DDX1: variants seen among roughly 807,000 people sequenced by gnomAD.
DDX1 encodes DEAD-box helicase 1.
Under a neutral mutation model 108.7 loss-of-function variants are expected in DDX1, and 28 were observed. The observed-to-expected ratio is 0.26, with a 90% CI of 0.19 to 0.35. The LOEUF (loss-of-function observed/expected upper bound fraction) is 0.35. Among genes scored for constraint, DDX1 ranks in the 10% least tolerant of loss-of-function variants. The pLI, the probability that DDX1 is intolerant of heterozygous loss-of-function variation, is 1.00. For synonymous variants in DDX1, 295 were observed against 288.9 expected (o/e 1.02, Z -0.21); for missense variants, 710 against 884.5 (o/e 0.80, Z 2.50).
chr2:15,621,384 G>C, intron 18 of DDX1: 1 of 334,946 alleles, frequency 3.0e-6, no homozygotes, highest in South Asian at 4.0e-5. Flanking sequence ...TCAGCTCAAG[G>C]CAACCTCGGC....
chr2:15,620,634 A>G (rs960949982), intron 17 of DDX1, among the ~76,000 whole-genome samples: 1 of 152,176 alleles, frequency 6.6e-6, no homozygotes, highest in African/African-American at 2.4e-5. Context: ...TTTATAAGTA[A>G]ATAACATATA....
chr2:15,602,670 G>T (rs1356818830), intron 7 of DDX1, 39 bp downstream of exon 7: 1 of 1,437,678 alleles, frequency 7.0e-7, no homozygotes, highest in Non-Finnish European at 9.8e-7. Context: ...AACTTTTGAG[G>T]CAAGGTATTA....
At chr2:15,600,317 G>A (rs1018533175) in intron 6 of DDX1, among the ~76,000 whole-genome samples, 5 of 152,196 alleles carry the variant, frequency 3.3e-5, no homozygotes, top group Admixed American at 1.3e-4. Flanking sequence ...AGTGAGCAGC[G>A]AGACCTGCAT....
chr2:15,593,290 C>G (rs1182976508), intron 1 of DDX1, among the ~76,000 whole-genome samples: 1 of 152,084 alleles, frequency 6.6e-6, no homozygotes, highest in Non-Finnish European at 1.5e-5. Flanking sequence ...CCAACATTCT[C>G]CTAAAACGAT....
At chr2:15,603,344 A>G (rs1407674732) in intron 8 of DDX1, 69 bp downstream of exon 8, 2 of 1,065,076 alleles carry the variant, frequency 1.9e-6, no homozygotes, top group African/African-American at 1.6e-5. Context: ...TATTTGGGGA[A>G]GCAAAATAAT....
intron 17 of DDX1, among the ~76,000 whole-genome samples, chr2:15,620,810 T>C (rs1158339923): frequency 6.6e-6 from 1 of 152,146 alleles, no homozygotes; most frequent in Non-Finnish European, 1.5e-5. Context: ...AGGTTATATT[T>C]ATTATAAATA....
At chr2:15,624,775 C>T (rs1012856037) in intron 19 of DDX1, among the ~76,000 whole-genome samples, 1 of 152,070 alleles carries the variant, frequency 6.6e-6, no homozygotes, top group Non-Finnish European at 1.5e-5. Flanking sequence ...AGTATAATAC[C>T]GTTGTACATG....
intron 10 of DDX1, 68 bp downstream of exon 10, chr2:15,604,577 C>A: frequency 9.6e-7 from 1 of 1,036,998 alleles, no homozygotes; most frequent in South Asian, 1.3e-5. Flanking sequence ...TTTTAAAAAT[C>A]CCCCCACCCT....
At chr2:15,612,808 C>T (rs1217231430) in intron 13 of DDX1, among the ~76,000 whole-genome samples, 2 of 152,312 alleles carry the variant, frequency 1.3e-5, no homozygotes, top group East Asian at 1.9e-4. Context: ...AGCTGGAGAC[C>T]AGCCCGGCCA....
intron 7 of DDX1, 62 bp downstream of exon 7, chr2:15,602,693 T>G: frequency 5.3e-5 from 66 of 1,252,710 alleles, no homozygotes; most frequent in Non-Finnish European, 6.4e-5. Flanking sequence ...ACGTGAGGGT[T>G]TTTTTGTTGT....
chr2:15,622,873 A>G (rs1002085637), intron 18 of DDX1, among the ~76,000 whole-genome samples: 1 of 152,364 alleles, frequency 6.6e-6, no homozygotes, highest in Non-Finnish European at 1.5e-5. Context: ...AGGAATAACA[A>G]TTATAGCACA....
At chr2:15,592,764 T>C (rs1665435879) in intron 1 of DDX1, among the ~76,000 whole-genome samples, 4 of 152,234 alleles carry the variant, frequency 2.6e-5, no homozygotes, top group Admixed American at 2.6e-4. Flanking sequence ...TTTATTGCTA[T>C]ATAAATGTAT....
chr2:15,612,599 C>T (rs1233293560), intron 13 of DDX1, among the ~76,000 whole-genome samples: 3 of 149,440 alleles, frequency 2.0e-5, no homozygotes, highest in East Asian at 2.0e-4. Flanking sequence ...ACTTCCCAGA[C>T]GGGGTGGCGG....
chr2:15,628,169 T>G (rs778729249), intron 20 of DDX1, among the ~76,000 whole-genome samples: 1 of 152,204 alleles, frequency 6.6e-6, no homozygotes, highest in Non-Finnish European at 1.5e-5. Context: ...TTATAAAGAT[T>G]AAGCCAAGTT....
At chr2:15,593,938 C>T (rs1158699287) in intron 1 of DDX1, among the ~76,000 whole-genome samples, 2 of 151,910 alleles carry the variant, frequency 1.3e-5, no homozygotes, top group African/African-American at 2.4e-5. Flanking sequence ...AATTAGCGGG[C>T]GTGGTGGCAT....
At position 15,629,701 on chromosome 2, in the gene DDX1, A is replaced by G. The variant is rs1666161317; in HGVS notation, c.1971+4A>G. On this transcript the variant is annotated splice_donor_region_variant and intron_variant, in intron 24 of 25. Transcript: ENST00000233084. ...CATATGGTACAACGAGATGCAGGTA[A>G]GACTTCGAGTTAGGCTCACAAATAA... is the stretch of plus-strand genomic sequence containing the variant. 1.9e-6 allele frequency: 3 copies of G among 1,552,166 alleles called. No homozygotes were observed. Among genetic ancestry groups the G allele is most frequent in the East Asian group, 4.7e-5 (2 of 42,992 alleles).
At chr2:15,597,301 T>G (rs1398503880) in intron 4 of DDX1, 74 bp from the exon 5 acceptor site, 5 of 940,658 alleles carry the variant, frequency 5.3e-6, no homozygotes, top group Non-Finnish European at 6.6e-6. Context: ...GCATAACTTT[T>G]GTCATTTATA....
intron 1 of DDX1, 84 bp from the exon 2 acceptor site, chr2:15,595,061 C>T (rs1220604953): frequency 9.3e-7 from 1 of 1,072,024 alleles, no homozygotes; most frequent in Non-Finnish European, 1.4e-6. Flanking sequence ...AAATCTTTAC[C>T]CTGTTTTATG....
intron 13 of DDX1, among the ~76,000 whole-genome samples, chr2:15,612,853 G>A (rs1302034736): frequency 2.0e-5 from 3 of 152,086 alleles, no homozygotes; most frequent in African/African-American, 4.8e-5. Flanking sequence ...AAAAAAATAC[G>A]AAAACCAGTC....
Sources: allele counts gnomAD v4.1 joint callset (sites outside exome capture counted in the v4.1 genomes callset), GRCh38; gene constraint gnomAD v4.1.1; transcripts MANE v1.5; gene names NCBI Gene and HGNC (gene_info 2026-07-23, HGNC 2026-07-21).